Variants in LRP1B observed in about 807,000 individuals in gnomAD.
LRP1B encodes LDL receptor related protein 1B.
LRP1B carries 217 observed loss-of-function variants against 556.6 expected under a neutral mutation model. That is an observed-to-expected ratio of 0.39 (90% CI 0.35 to 0.44). The LOEUF (loss-of-function observed/expected upper bound fraction) is 0.44, where lower values mean the gene tolerates loss of function less well. Ranked by LOEUF, LRP1B falls within the 20% of genes least tolerant of loss-of-function variation. The pLI, the probability that LRP1B is intolerant of heterozygous loss-of-function variation, is 1.00. For synonymous variants in LRP1B, 2,047 were observed against 1,865.8 expected (o/e 1.10, Z -2.50); for missense variants, 5,053 against 5,620.8 (o/e 0.90, Z 3.23).
At chr2:140,957,631 A>G (rs1695912841) in intron 18 of LRP1B, among the ~76,000 whole-genome samples, 1 of 151,674 alleles carries the variant, frequency 6.6e-6, no homozygotes, top group Admixed American at 6.6e-5. Context: ...GAGTCCAGAA[A>G]TAAAAGGGGT....
chr2:141,117,545 A>AATTT (rs977669041), intron 7 of LRP1B, among the ~76,000 whole-genome samples: 4 of 152,028 alleles, frequency 2.6e-5, no homozygotes, highest in Non-Finnish European at 4.4e-5. Flanking sequence ...CAATAGTTTA[A>AATTT]ATTTATTAGA....
chr2:140,558,051 G>A (rs903359690), intron 43 of LRP1B, among the ~76,000 whole-genome samples: 1 of 152,108 alleles, frequency 6.6e-6, no homozygotes, highest in Non-Finnish European at 1.5e-5. Flanking sequence ...GAAAATGCAA[G>A]TCAAATCCAC....
intron 41 of LRP1B, among the ~76,000 whole-genome samples, chr2:140,684,554 G>T (rs866441030): frequency 9.9e-5 from 15 of 152,232 alleles, no homozygotes; most frequent in Middle Eastern, 3.4e-3. Context: ...CAAAAATAGA[G>T]AAGTTTTTGC....
At chr2:140,289,518 T>C (rs1169521169) in intron 84 of LRP1B, among the ~76,000 whole-genome samples, 1 of 152,024 alleles carries the variant, frequency 6.6e-6, no homozygotes, top group Non-Finnish European at 1.5e-5. Context: ...TAATATCTGC[T>C]TGGAAAAACA....
chr2:141,083,592 T>C (rs1373646371), intron 7 of LRP1B, among the ~76,000 whole-genome samples: 1 of 152,218 alleles, frequency 6.6e-6, no homozygotes, highest in African/African-American at 2.4e-5. Context: ...TAAAAGGTGA[T>C]GCCTTTGAGA....
rs182898562 is a variant in LRP1B at position 141,595,701 on chromosome 2, T to G, written c.206-115168A>C. ...AAGCATCTGCTACTTAAGAGCCATA[T>G]GGTTAAACAGAAGTCACAGGTTCCC... On this transcript the variant is annotated intron_variant, in intron 2 of 90. Coordinates refer to ENST00000389484, the MANE Select transcript of LRP1B (RefSeq NM_018557.3). Among the ~76,000 whole-genome samples the G allele has an allele frequency of 8.7e-4, 132 of 152,226 alleles. 1 individual carries two copies. The highest frequency in any genetic ancestry group is 1.7e-3 in the South Asian group (8 of 4,830).
At chr2:140,587,453 A>G (rs1682031481) in intron 43 of LRP1B, among the ~76,000 whole-genome samples, 1 of 152,228 alleles carries the variant, frequency 6.6e-6, no homozygotes, top group Non-Finnish European at 1.5e-5. Context: ...GGAGTACATT[A>G]TGCTAAATGA....
chr2:140,873,246 C>T (rs559717581), intron 25 of LRP1B, among the ~76,000 whole-genome samples: 5 of 151,978 alleles, frequency 3.3e-5, no homozygotes, highest in Non-Finnish European at 7.4e-5. Flanking sequence ...AAAGTATAAA[C>T]CCAGCCCAAG....
chr2:140,929,965 C>T (rs1695002235), intron 20 of LRP1B, among the ~76,000 whole-genome samples: 2 of 152,086 alleles, frequency 1.3e-5, no homozygotes, highest in South Asian at 2.1e-4. Flanking sequence ...TTGACCTTCT[C>T]GCCAAATTTG....
At chr2:140,892,002 T>C (rs1246818084) in intron 23 of LRP1B, among the ~76,000 whole-genome samples, 8 of 151,890 alleles carry the variant, frequency 5.3e-5, no homozygotes, top group Non-Finnish European at 8.8e-5. Context: ...AGAGGCAGAG[T>C]GAGAGAGAAG....
chr2:141,604,256 CAG>C (rs1303112274), intron 2 of LRP1B, among the ~76,000 whole-genome samples: 1 of 152,028 alleles, frequency 6.6e-6, no homozygotes, highest in African/African-American at 2.4e-5. Flanking sequence ...TCAGATAAGA[CAG>C]ATAATCTAAT....
chr2:140,556,337 A>T (rs1680732499), intron 43 of LRP1B, among the ~76,000 whole-genome samples: 1 of 152,026 alleles, frequency 6.6e-6, no homozygotes, highest in Admixed American at 6.6e-5. Context: ...AATGTACTCT[A>T]TACGTGGAGG....
At chr2:140,980,140 A>G (rs1368904988) in intron 18 of LRP1B, among the ~76,000 whole-genome samples, 2 of 152,162 alleles carry the variant, frequency 1.3e-5, no homozygotes, top group Non-Finnish European at 2.9e-5. Context: ...TCAAAGACCT[A>G]ATAGAAGTTC....
At chr2:140,292,370 C>T (rs1393399829) in intron 84 of LRP1B, among the ~76,000 whole-genome samples, 1 of 152,158 alleles carries the variant, frequency 6.6e-6, no homozygotes, top group Admixed American at 6.5e-5. Flanking sequence ...CTTGCCAGCT[C>T]TCCTGTAGAA....
intron 7 of LRP1B, among the ~76,000 whole-genome samples, chr2:141,187,809 A>G (rs1681323459): frequency 6.6e-6 from 1 of 151,970 alleles, no homozygotes; most frequent in Non-Finnish European, 1.5e-5. Flanking sequence ...GAAGGTCTCT[A>G]TTTAACCAAT....
In LRP1B at chr2:141,005,402, G is replaced by T; in HGVS notation, c.2436C>A (p.Ile812=). 1.9e-6 allele frequency: 3 copies of T among 1,611,500 alleles called. No homozygotes were observed. The highest frequency in any genetic ancestry group is 2.5e-6 in the Non-Finnish European group (3 of 1,178,314). The part of the protein sequence containing the change: ...NGGCSTLCLA[I]PGGRVCACAD... ...CACAAGCACACACCCGGCCTCCTGGGATAGCCAAGCAAAGTGTACTACAGC... is the reference window on the plus strand; with the variant it reads ...CACAAGCACACACCCGGCCTCCTGGTATAGCCAAGCAAAGTGTACTACAGC... Residue 812 remains isoleucine, a synonymous_variant, in exon 15 of 91, where the codon ATC becomes ATA. Transcript: ENST00000389484.
chr2:141,180,607 T>C (rs976835653), intron 7 of LRP1B, among the ~76,000 whole-genome samples: 13 of 151,916 alleles, frequency 8.6e-5, no homozygotes, highest in African/African-American at 3.1e-4. Context: ...TTTCCTAAAC[T>C]ATGTCTTTAC....
intron 1 of LRP1B, among the ~76,000 whole-genome samples, chr2:141,810,929 T>C (rs1696334120): frequency 1.3e-5 from 2 of 151,284 alleles, no homozygotes; most frequent in Non-Finnish European, 3.0e-5. Context: ...AGTATTTTCT[T>C]TTTTTTTTCC....
intron 2 of LRP1B, among the ~76,000 whole-genome samples, chr2:141,662,794 T>G (rs747153757): frequency 3.9e-5 from 6 of 151,908 alleles, no homozygotes; most frequent in Non-Finnish European, 4.4e-5. Flanking sequence ...ACAAAGATAT[T>G]CAGGACTTGA....
Sources: allele counts gnomAD v4.1 joint callset (sites outside exome capture counted in the v4.1 genomes callset), GRCh38; gene constraint gnomAD v4.1.1; transcripts MANE v1.5; gene names NCBI Gene and HGNC (gene_info 2026-07-23, HGNC 2026-07-21).